Variants in ADGRL2 observed in about 807,000 individuals in gnomAD.
ADGRL2 encodes the protein calcium-independent alpha-latrotoxin receptor 2.
Under a neutral mutation model 157.4 loss-of-function variants are expected in ADGRL2, and 44 were observed. That is an observed-to-expected ratio of 0.28 (90% confidence interval 0.22 to 0.36). The LOEUF is 0.36. Among genes scored for constraint, ADGRL2 ranks in the 10% least tolerant of loss-of-function variants. ADGRL2 has a pLI of 1.00. For synonymous variants in ADGRL2, 585 were observed against 624.7 expected (o/e 0.94, Z 0.95); for missense variants, 1,510 against 1,768.9 (o/e 0.85, Z 2.63).
At chr1:81,611,690 AC>A (rs1447986908) in intron 3 of ADGRL2, among the ~76,000 whole-genome samples, 1 of 152,158 alleles carries the variant, frequency 6.6e-6, no homozygotes, top group Non-Finnish European at 1.5e-5. Flanking sequence ...ACAAAAATTC[AC>A]TGCACCAAAA....
chr1:81,656,996 T>A (rs2082548038), intron 3 of ADGRL2, among the ~76,000 whole-genome samples: 1 of 123,684 alleles, frequency 8.1e-6, no homozygotes, highest in African/African-American at 3.2e-5. Flanking sequence ...GGTGATGGAG[T>A]GAGACCCTGT....
At chr1:81,714,514 A>G (rs1420043131) in intron 1 of ADGRL2, among the ~76,000 whole-genome samples, 1 of 152,184 alleles carries the variant, frequency 6.6e-6, no homozygotes, top group Admixed American at 6.5e-5. Flanking sequence ...TACTCAAGAA[A>G]TAATTTTTAC....
Position 81,966,063 on chromosome 1 carries a change from G to A in ADGRL2, c.2023G>A (p.Glu675Lys). 1 of 1,613,660 alleles carries A rather than the reference G, an allele frequency of 6.2e-7. No individual in the cohort carries two copies. The highest frequency in any genetic ancestry group is 8.5e-7 in the Non-Finnish European group (1 of 1,179,846). The change falls in exon 12 of 24, where the codon GAA becomes AAA. Residue 675 changes from glutamate (E) to lysine (K), a missense_variant. Glu to Lys is a moderately conservative substitution (Grantham distance 56). Transcript: ENST00000686636. ...TTATCTTTTCCCTCATCCAGTCCTG[G>A]AAGTTGCCGTACTCAGTACAGAAGG... ...VSMPTENIVL[E>K]VAVLSTEGQI...
At chr1:81,929,212 T>G (rs921086680) in intron 3 of ADGRL2, among the ~76,000 whole-genome samples, 11 of 152,078 alleles carry the variant, frequency 7.2e-5, no homozygotes, top group African/African-American at 2.7e-4. Flanking sequence ...ATAATGAAAT[T>G]TTCTTAATTT....
chr1:81,778,520 T>A (rs2086688633), intron 2 of ADGRL2, among the ~76,000 whole-genome samples: 1 of 152,152 alleles, frequency 6.6e-6, no homozygotes, highest in Non-Finnish European at 1.5e-5. Flanking sequence ...GAATTTAGAC[T>A]TTTTCCTAAT....
chr1:81,606,497 G>GCACACACA (rs59187962), intron 3 of ADGRL2, among the ~76,000 whole-genome samples: 21 of 149,380 alleles, frequency 1.4e-4, no homozygotes, highest in South Asian at 8.5e-4. Flanking sequence ...TCATGCACAT[G>GCACACACA]CACACACACA....
chr1:81,950,311 A>C lies in ADGRL2; in HGVS notation c.1333A>C (p.Ser445Arg), dbSNP rs927330174. 6.2e-7 allele frequency: 1 copy of C among 1,614,054 alleles called. No homozygotes were observed. Among genetic ancestry groups the C allele is most frequent in the Non-Finnish European group, 8.5e-7 (1 of 1,179,954 alleles). Residue 445 changes from serine (S) to arginine (R), a missense_variant, in exon 7 of 24, where the codon AGC (serine) becomes CGC (arginine). Around this residue, in one of 4 missense-constraint regions of ADGRL2, gnomAD observed 325 missense variants for 333.2 expected, o/e 0.98. Transcript: ENST00000686636. ...AACTGTAGCTGGATCACAGGAAGGAAGCAAAGGGACAAAACCACCTCCAGC... is the reference window on the plus strand; with the variant it reads ...AACTGTAGCTGGATCACAGGAAGGACGCAAAGGGACAAAACCACCTCCAGC... ...STTVAGSQEG[S>R]KGTKPPPAVS...
chr1:81,403,239 GTTGTTGT>G (rs1265121940), intron 1 of ADGRL2, among the ~76,000 whole-genome samples: 11 of 29,058 alleles, frequency 3.8e-4, no homozygotes, highest in South Asian at 2.6e-3. Flanking sequence ...TTTTTTTTTT[GTTGTTGT>G]TTGTTTGTTT....
intron 3 of ADGRL2, among the ~76,000 whole-genome samples, chr1:81,644,500 C>T (rs2082277245): frequency 6.6e-6 from 1 of 152,076 alleles, no homozygotes; most frequent in African/African-American, 2.4e-5. Flanking sequence ...CTAAAATATA[C>T]AAAGAACTCC....
At chr1:81,563,739 A>G (rs2080497397) in intron 2 of ADGRL2, among the ~76,000 whole-genome samples, 1 of 152,218 alleles carries the variant, frequency 6.6e-6, no homozygotes, top group Admixed American at 6.5e-5. Context: ...GCCTACAAGA[A>G]GCATAACATC....
intron 1 of ADGRL2, among the ~76,000 whole-genome samples, chr1:81,308,266 G>A (rs139586321): frequency 3.3e-5 from 5 of 152,174 alleles, no homozygotes; most frequent in African/African-American, 1.2e-4. Flanking sequence ...GTAGTTGTCC[G>A]TGAATATCTT....
rs373217293 is a variant in ADGRL2, at chr1:81,615,649, A to G, written c.-143+34669A>G. 2.2e-4 allele frequency among the ~76,000 whole-genome samples: 34 copies of G among 152,326 alleles called. No homozygotes were observed. In the East Asian group the frequency reaches 2.9e-3, roughly 13 times the overall value. Reference sequence around the variant, plus strand: ...GAGACCAAGAACCCACCAATTCCGGACACACTATCTTGGTTTCTAGATTTT... The same window carrying G: ...GAGACCAAGAACCCACCAATTCCGGGCACACTATCTTGGTTTCTAGATTTT... On this transcript the variant is annotated intron_variant, in intron 3 of 24. Transcript: ENST00000370721.
At chr1:81,478,842 T>G (rs1557720552) in intron 2 of ADGRL2, among the ~76,000 whole-genome samples, 2 of 148,432 alleles carry the variant, frequency 1.3e-5, no homozygotes, top group African/African-American at 2.5e-5. Context: ...TTTATTTGAG[T>G]TTTTTTTTTC....
chr1:81,541,799 A>C (rs1405073546), intron 2 of ADGRL2, among the ~76,000 whole-genome samples: 2 of 151,490 alleles, frequency 1.3e-5, no homozygotes, highest in Non-Finnish European at 2.9e-5. Flanking sequence ...AAAAAAAAAA[A>C]AAAACAAAAT....
intron 2 of ADGRL2, among the ~76,000 whole-genome samples, chr1:81,473,002 T>A (rs1466940858): frequency 6.6e-6 from 1 of 151,996 alleles, no homozygotes; most frequent in Admixed American, 6.6e-5. Context: ...TTTATGGAAA[T>A]TTTCTCCACA....
At chr1:81,808,412 A>G (rs959572189) in intron 1 of ADGRL2, among the ~76,000 whole-genome samples, 1 of 151,976 alleles carries the variant, frequency 6.6e-6, no homozygotes, top group Admixed American at 6.6e-5. Flanking sequence ...TGATATGCAT[A>G]CATTTGTTTT....
intron 2 of ADGRL2, among the ~76,000 whole-genome samples, chr1:81,899,663 T>G (rs549115153): frequency 3.9e-5 from 6 of 152,326 alleles, no homozygotes; most frequent in Non-Finnish European, 8.8e-5. Context: ...TCTCTTCAAT[T>G]GTCAGGGTTG....
At chr1:81,886,292 C>A (rs1185558332) in intron 2 of ADGRL2, among the ~76,000 whole-genome samples, 14 of 152,174 alleles carry the variant, frequency 9.2e-5, no homozygotes, top group African/African-American at 3.4e-4. Flanking sequence ...CTGCCTCAGC[C>A]TCCCAAGTAC....
At chr1:81,714,311 G>C (rs1277810603) in intron 1 of ADGRL2, among the ~76,000 whole-genome samples, 1 of 152,194 alleles carries the variant, frequency 6.6e-6, no homozygotes, top group Non-Finnish European at 1.5e-5. Context: ...TATAAATTAA[G>C]ATTGCCTCAG....
Sources: gnomAD v4.1 joint callset for allele counts (sites outside exome capture counted in the v4.1 genomes callset) on GRCh38, gnomAD v4.1.1 for gene constraint, gnomAD v4.1.1 regional missense constraint, MANE v1.5 for transcripts, NCBI Gene and HGNC (gene_info 2026-07-23, HGNC 2026-07-21) for gene names.